Variants in CCM2 observed in about 807,000 individuals in gnomAD.
CCM2 encodes the protein cerebral cavernous malformations 2 protein.
CCM2 carries 25 observed loss-of-function variants against 44.9 expected under a neutral mutation model. The ratio of observed to expected loss-of-function variants is 0.56; its 90% confidence interval spans 0.41 to 0.78. The LOEUF is 0.78. Ranked by LOEUF, CCM2 falls within the 30% of genes least tolerant of loss-of-function variation. The probability of loss-of-function intolerance (pLI) is 0.00; values close to 1 mark genes in which losing one functional copy is unlikely to be tolerated. For synonymous variants in CCM2, 219 were observed against 241.1 expected, an observed-to-expected ratio of 0.91 and a Z score of 0.85; for missense variants, 481 against 580.6, an observed-to-expected ratio of 0.83 and a Z score of 1.76.
chr7:45,035,115 C>T (rs1213818007), intron 1 of CCM2, among the ~76,000 whole-genome samples: 4 of 151,794 alleles, frequency 2.6e-5, no homozygotes, highest in East Asian at 3.9e-4. Flanking sequence ...GGATTATAGG[C>T]GTGAGCCGCT....
intron 1 of CCM2, among the ~76,000 whole-genome samples, chr7:45,037,196 A>G (rs1053389807): frequency 6.7e-6 from 1 of 150,038 alleles, no homozygotes; most frequent in African/African-American, 2.5e-5. Context: ...GTGGTGATGA[A>G]AAGCTTTCTT....
At chr7:45,015,765 C>G (rs1796240782) in intron 1 of CCM2, among the ~76,000 whole-genome samples, 2 of 152,144 alleles carry the variant, frequency 1.3e-5, no homozygotes, top group Admixed American at 1.3e-4. Flanking sequence ...TGAGAAGACA[C>G]AGGATAAAAA....
chr7:45,056,479 A>AC (rs985727173), intron 2 of CCM2, among the ~76,000 whole-genome samples: 4 of 152,058 alleles, frequency 2.6e-5, no homozygotes, highest in East Asian at 1.9e-4. Flanking sequence ...ACATAGTGAG[A>AC]CCCCACCCCC....
intron 1 of CCM2, among the ~76,000 whole-genome samples, chr7:45,002,466 G>T (rs1230658638): frequency 6.6e-6 from 1 of 151,482 alleles, no homozygotes; most frequent in Non-Finnish European, 1.5e-5. Context: ...CTACTTGGGA[G>T]GCTGAGGCAG....
intron 1 of CCM2, among the ~76,000 whole-genome samples, chr7:45,017,402 T>C (rs1005248386): frequency 1.1e-4 from 17 of 152,348 alleles, no homozygotes; most frequent in Non-Finnish European, 1.9e-4. Flanking sequence ...CAGTCTCTTA[T>C]ACAGTCACAG....
chr7:45,011,932 T>C (rs1311203544), intron 1 of CCM2, among the ~76,000 whole-genome samples: 2 of 152,142 alleles, frequency 1.3e-5, no homozygotes, highest in African/African-American at 2.4e-5. Flanking sequence ...ACACCTGGCC[T>C]AAAGCCACCT....
intron 2 of CCM2, among the ~76,000 whole-genome samples, chr7:45,045,412 G>A (rs1797706176): frequency 6.6e-6 from 1 of 152,166 alleles, no homozygotes; most frequent in East Asian, 1.9e-4. Flanking sequence ...ATATTAACAA[G>A]CTAAAGAAGA....
At chr7:45,060,786 T>C (rs1798483191) in intron 2 of CCM2, among the ~76,000 whole-genome samples, 1 of 152,214 alleles carries the variant, frequency 6.6e-6, no homozygotes, top group African/African-American at 2.4e-5. Context: ...TTCCTACTGA[T>C]TGTTGCTTAG....
chr7:45,001,090 T>G (rs191233959), intron 1 of CCM2, among the ~76,000 whole-genome samples: 1 of 152,362 alleles, frequency 6.6e-6, no homozygotes, highest in East Asian at 1.9e-4. Context: ...TTCTTTTTGA[T>G]GTGTGTGTGC....
rs565556287 is a variant in CCM2, at chr7:45,072,380, G to C, written c.746-346G>C. 6.9e-6 allele frequency: 3 copies of C among 435,820 alleles called. No homozygotes were observed. The Admixed American group carries it at 1.0e-4, about 15-fold the overall frequency. 27.0% of individuals were successfully genotyped at this position (435,820 alleles called of 1,614,324 possible). A position where few individuals can be genotyped will look rare whatever the true frequency, so the allele number is the denominator to read the frequency against. On this transcript the variant is annotated intron_variant, in intron 6 of 9. Coordinates refer to ENST00000258781, the MANE Select transcript of CCM2 (RefSeq NM_031443.4). Reference sequence around the variant, plus strand: ...GAAGACAGGGGTGATATATGCCTGGGTTAAAGGAGACAAAGCCCCAGTAAC... The same window carrying C: ...GAAGACAGGGGTGATATATGCCTGGCTTAAAGGAGACAAAGCCCCAGTAAC...
At chr7:45,040,915 G>A (rs1196877543) in intron 2 of CCM2, among the ~76,000 whole-genome samples, 21 of 152,152 alleles carry the variant, frequency 1.4e-4, no homozygotes, top group Admixed American at 1.1e-3. Context: ...GCTTGAACCC[G>A]GGAGGCGGAG....
At chr7:45,050,690 G>C (rs575341809) in intron 2 of CCM2, among the ~76,000 whole-genome samples, 8 of 152,272 alleles carry the variant, frequency 5.3e-5, no homozygotes, top group African/African-American at 1.7e-4. Flanking sequence ...CATTTTTTCT[G>C]TTGGGTTATT....
chr7:45,014,387 C>A (rs1260712425), intron 1 of CCM2, among the ~76,000 whole-genome samples: 1 of 152,176 alleles, frequency 6.6e-6, no homozygotes, highest in Non-Finnish European at 1.5e-5. Context: ...GATCCGCCCA[C>A]CTCGGCCTCC....
At chr7:45,061,456 C>CTTTTTT (rs57140747) in intron 2 of CCM2, among the ~76,000 whole-genome samples, 9 of 122,278 alleles carry the variant, frequency 7.4e-5, no homozygotes, top group South Asian at 2.6e-4. Context: ...TTCTTTCTTT[C>CTTTTTT]TTTTTTTTTT....
At chr7:45,028,605 C>T (rs1273911708) in intron 1 of CCM2, among the ~76,000 whole-genome samples, 4 of 151,852 alleles carry the variant, frequency 2.6e-5, no homozygotes, top group African/African-American at 7.2e-5. Context: ...TGCAGTCAGC[C>T]GAGATTGCGC....
At chr7:45,037,708 G>A (rs1360793704) in intron 1 of CCM2, among the ~76,000 whole-genome samples, 2 of 152,080 alleles carry the variant, frequency 1.3e-5, no homozygotes, top group Non-Finnish European at 2.9e-5. Context: ...GTGAGCCACC[G>A]TGCCTGGCCT....
At chr7:45,027,441 G>A in intron 1 of CCM2, 2 of 558,194 alleles carry the variant, frequency 3.6e-6, no homozygotes, top group South Asian at 2.0e-5. Flanking sequence ...ATGCAGGGAG[G>A]CTGCTTGTGG....
intron 2 of CCM2, among the ~76,000 whole-genome samples, chr7:45,050,677 G>A (rs1340698002): frequency 6.6e-6 from 1 of 152,178 alleles, no homozygotes; most frequent in African/African-American, 2.4e-5. Context: ...TAGATCCATT[G>A]CCCATTTTTT....
At chr7:45,057,137 G>A (rs566648439) in intron 2 of CCM2, among the ~76,000 whole-genome samples, 4 of 152,026 alleles carry the variant, frequency 2.6e-5, no homozygotes, top group East Asian at 3.9e-4. Context: ...TATACACAAG[G>A]GTCTTTCTTG....
Sources: allele counts gnomAD v4.1 joint callset (sites outside exome capture counted in the v4.1 genomes callset), GRCh38; gene constraint gnomAD v4.1.1; transcripts MANE v1.5; gene names NCBI Gene and HGNC (gene_info 2026-07-23, HGNC 2026-07-21).